The following PCDH11X variants were observed in gnomAD, a reference collection of about 807,000 sequenced individuals.
PCDH11X encodes the protein protocadherin 11 X-linked.
A neutral mutation model predicts 53.3 loss-of-function variants in PCDH11X; 18 were observed. That is an observed-to-expected ratio of 0.34 (90% CI 0.23 to 0.50). PCDH11X has a LOEUF of 0.50. Among genes scored for constraint, PCDH11X ranks in the 20% least tolerant of loss-of-function variants. PCDH11X has a pLI of 0.98. For missense variants in PCDH11X, 570 were observed against 1,032.4 expected, an observed-to-expected ratio of 0.55 and a Z score of 6.14; for synonymous variants, 279 against 393.3, an observed-to-expected ratio of 0.71 and a Z score of 3.44.
intron 6 of PCDH11X, among the ~76,000 whole-genome samples, chrX:92,096,888 A>G (rs867118226): frequency 2.7e-5 from 3 of 111,193 alleles, no homozygotes; most frequent in Middle Eastern, 4.7e-3. Context: ...ATACATACAC[A>G]TTGTATAAAA....
At chrX:91,842,586 G>C (rs1303354827) in intron 5 of PCDH11X, among the ~76,000 whole-genome samples, 1 of 108,939 alleles carries the variant, frequency 9.2e-6, no homozygotes, top group Non-Finnish European at 1.9e-5. Flanking sequence ...CTTTGAAATA[G>C]AAGAGGTACT....
chrX:92,200,713 TTGTA>T (rs1169364772), intron 6 of PCDH11X, among the ~76,000 whole-genome samples: 1 of 111,468 alleles, frequency 9.0e-6, no homozygotes, highest in Non-Finnish European at 1.9e-5. Context: ...TTAAATATCT[TTGTA>T]TGGCAAATAG....
At chrX:92,398,227 T>C (rs1248748353) in intron 9 of PCDH11X, among the ~76,000 whole-genome samples, 18 of 111,156 alleles carry the variant, frequency 1.6e-4, no homozygotes, top group Middle Eastern at 4.6e-3. Context: ...ATATGAACTG[T>C]GGCTAAGTAA....
At chrX:92,576,429 C>T (rs1167246352) in intron 10 of PCDH11X, among the ~76,000 whole-genome samples, 1 of 92,243 alleles carries the variant, frequency 1.1e-5, no homozygotes, top group Non-Finnish European at 2.1e-5. Flanking sequence ...TAAGTAAAGA[C>T]TTGCTCCTGC....
chrX:92,183,488 C>T (rs990061498), intron 6 of PCDH11X, among the ~76,000 whole-genome samples: 3 of 111,419 alleles, frequency 2.7e-5, no homozygotes, highest in African/African-American at 9.8e-5. Flanking sequence ...AACTCCTGAC[C>T]TCAGGTGATC....
At chrX:92,276,947 G>A (rs2068108839) in intron 8 of PCDH11X, among the ~76,000 whole-genome samples, 1 of 111,288 alleles carries the variant, frequency 9.0e-6, no homozygotes, top group South Asian at 3.8e-4. Flanking sequence ...TATGCCTTTG[G>A]CTCCAGCCAC....
intron 6 of PCDH11X, among the ~76,000 whole-genome samples, chrX:91,988,125 T>C (rs1219710964): frequency 5.4e-5 from 6 of 111,480 alleles, no homozygotes; most frequent in African/African-American, 2.0e-4. Context: ...AATACTATAA[T>C]ACATAGCACT....
At chrX:92,313,190 T>C (rs1422465622) in intron 8 of PCDH11X, among the ~76,000 whole-genome samples, 5 of 111,370 alleles carry the variant, frequency 4.5e-5, no homozygotes, top group Non-Finnish European at 9.4e-5. Context: ...TGTACATTTT[T>C]TTTTTCTGTA....
At chrX:91,821,320 C>T (rs1172918921) in intron 4 of PCDH11X, among the ~76,000 whole-genome samples, 2 of 108,350 alleles carry the variant, frequency 1.8e-5, no homozygotes, top group East Asian at 5.8e-4. Flanking sequence ...GAATGTTCTT[C>T]CATTTGTTTG....
intron 6 of PCDH11X, chrX:92,113,951 G>C (rs1183552075): frequency 8.3e-7 from 1 of 1,204,929 alleles, no homozygotes; most frequent in Non-Finnish European, 1.1e-6. Context: ...TTGGGAGATA[G>C]GTATCTCCGG....
chrX:92,178,210 GC>G (rs1404830417), intron 6 of PCDH11X, among the ~76,000 whole-genome samples: 1 of 111,542 alleles, frequency 9.0e-6, no homozygotes. Flanking sequence ...CAATCCCAAA[GC>G]CCCCAGTGAC....
intron 8 of PCDH11X, among the ~76,000 whole-genome samples, chrX:92,335,690 A>G: frequency 9.0e-6 from 1 of 111,585 alleles, no homozygotes; most frequent in Non-Finnish European, 1.9e-5. Context: ...GAGTAACAAA[A>G]AGCAACTACT....
intron 6 of PCDH11X, among the ~76,000 whole-genome samples, chrX:92,149,357 C>T (rs2065387378): frequency 9.1e-6 from 1 of 109,729 alleles, no homozygotes; most frequent in South Asian, 4.0e-4. Flanking sequence ...GAACTATATA[C>T]TTTTCATAAA....
At chrX:92,435,915 C>T (rs1400741960) in intron 9 of PCDH11X, among the ~76,000 whole-genome samples, 1 of 108,928 alleles carries the variant, frequency 9.2e-6, no homozygotes. Flanking sequence ...AACACAATTA[C>T]AGGACCAAAC....
chrX:92,144,030 A>G (rs1044747735), intron 6 of PCDH11X, among the ~76,000 whole-genome samples: 1 of 112,016 alleles, frequency 8.9e-6, no homozygotes, highest in Non-Finnish European at 1.9e-5. Context: ...TCGGATTTGC[A>G]TGGGCCCTGT....
chrX:91,813,833 AGAG>A (rs938395044), intron 4 of PCDH11X, among the ~76,000 whole-genome samples: 15 of 109,665 alleles, frequency 1.4e-4, no homozygotes, highest in African/African-American at 4.7e-4. Flanking sequence ...ATAAAAATAG[AGAG>A]GAGAAGCAGT....
At chrX:92,232,428 A>T (rs2067093169) in intron 7 of PCDH11X, among the ~76,000 whole-genome samples, 1 of 111,778 alleles carries the variant, frequency 8.9e-6, no homozygotes, top group South Asian at 3.7e-4. Flanking sequence ...AAATCCTGAA[A>T]AATACCCTAA....
intron 10 of PCDH11X, among the ~76,000 whole-genome samples, chrX:92,558,257 G>T (rs1349775831): frequency 7.3e-5 from 8 of 110,181 alleles, no homozygotes; most frequent in Admixed American, 2.9e-4. Flanking sequence ...CCATCATAAC[G>T]CAGGTTGAGT....
At position 92,146,902 on chromosome X, in the gene PCDH11X, G is replaced by A. The variant is rs1174999374; in HGVS notation, c.3034-54473G>A. Among the ~76,000 whole-genome samples, 3 of 110,432 alleles carry A rather than the reference G, an allele frequency of 2.7e-5. No individual in the cohort carries two copies. The East Asian group carries it at 8.6e-4, about 32-fold the overall frequency. On this transcript the variant is annotated intron_variant, in intron 6 of 10. Coordinates refer to ENST00000682573, the MANE Select transcript of PCDH11X (RefSeq NM_032968.5). ...TGATCCCAGCTACTCGGGAGGCTGA[G>A]GCAGGAGAATGGCTTGAACCCAGGA...
Sources: allele counts gnomAD v4.1 joint callset (sites outside exome capture counted in the v4.1 genomes callset), GRCh38; gene constraint gnomAD v4.1.1; transcripts MANE v1.5; gene names NCBI Gene and HGNC (gene_info 2026-07-23, HGNC 2026-07-21).